Variants in RORA observed in about 807,000 individuals in gnomAD.
RORA encodes RAR related orphan receptor A.
A neutral mutation model predicts 69.5 loss-of-function variants in RORA; 7 were observed. The ratio of observed to expected loss-of-function variants is 0.10; its 90% CI spans 0.06 to 0.19. RORA has a LOEUF of 0.19. Among genes scored for constraint, RORA ranks in the 10% least tolerant of loss-of-function variants. RORA has a pLI of 1.00. For synonymous variants in RORA, 261 were observed against 240.8 expected (o/e 1.08, Z -0.78); for missense variants, 457 against 663.0 (o/e 0.69, Z 3.41).
chr15:60,932,145 T>C lies in RORA; in HGVS notation c.167-253459A>G, dbSNP rs534693685. Among the ~76,000 whole-genome samples the C allele has an allele frequency of 5.3e-5, 8 of 151,948 alleles. 1 individual carries two copies. Among genetic ancestry groups the C allele is most frequent in the Middle Eastern group, 3.4e-3 (1 of 294 alleles). On this transcript the variant is annotated intron_variant, in intron 1 of 10. Transcript: ENST00000335670. ...CACCTTGAAAACCAATCCTTTGGAG[T>C]AGAAAGAATTCATGGTATTTGAAAT...
chr15:60,929,831 G>C (rs1376241440), intron 1 of RORA, among the ~76,000 whole-genome samples: 1 of 152,166 alleles, frequency 6.6e-6, no homozygotes, highest in Non-Finnish European at 1.5e-5. Flanking sequence ...CCAGCCCCCA[G>C]AGATACGGAC....
At chr15:60,777,733 C>G (rs902211830) in intron 1 of RORA, among the ~76,000 whole-genome samples, 1 of 152,184 alleles carries the variant, frequency 6.6e-6, no homozygotes, top group African/African-American at 2.4e-5. Context: ...AGTCCAGGTG[C>G]TCACCTCTAG....
intron 1 of RORA, among the ~76,000 whole-genome samples, chr15:60,768,768 C>T (rs1429440116): frequency 1.3e-5 from 2 of 152,152 alleles, no homozygotes; most frequent in African/African-American, 2.4e-5. Context: ...TTCTAATGAA[C>T]TCATCACATG....
intron 5 of RORA, among the ~76,000 whole-genome samples, chr15:60,509,312 T>C (rs551110337): frequency 2.0e-5 from 3 of 152,336 alleles, no homozygotes; most frequent in Admixed American, 2.0e-4. Context: ...ATTCTCCTAG[T>C]GATGATCTCA....
chr15:60,513,012 A>G (rs907611703), intron 4 of RORA, among the ~76,000 whole-genome samples: 1 of 152,240 alleles, frequency 6.6e-6, no homozygotes, highest in Non-Finnish European at 1.5e-5. Context: ...CCATTTGACT[A>G]TGATCGTAGT....
chr15:60,804,859 A>T (rs891869301), intron 1 of RORA, among the ~76,000 whole-genome samples: 3 of 152,186 alleles, frequency 2.0e-5, no homozygotes, highest in Non-Finnish European at 4.4e-5. Context: ...CTTAAATTAT[A>T]ATAGGCTCTC....
chr15:61,124,090 G>A (rs2079124240), intron 1 of RORA, among the ~76,000 whole-genome samples: 1 of 152,180 alleles, frequency 6.6e-6, no homozygotes, highest in Non-Finnish European at 1.5e-5. Context: ...TGCCAGCTCT[G>A]CTGATTCCCT....
intron 1 of RORA, among the ~76,000 whole-genome samples, chr15:61,085,481 T>C (rs8026340): frequency 0.14 from 20,677 of 152,304 alleles, 1,785 homozygotes; most frequent in East Asian, 0.3. Context: ...CCGAAGACCT[T>C]GTTATAACAG....
intron 2 of RORA, chr15:60,614,885 A>ATAACGCACCTTTTCTCAATGCAATT (rs2069190122): frequency 6.2e-7 from 1 of 1,609,284 alleles, no homozygotes; most frequent in Non-Finnish European, 8.5e-7. Context: ...AAGCTCTCAA[A>ATAACGCACCTTTTCTCAATGCAATT]TAACGCACCT....
At chr15:60,729,419 G>A (rs2071402496) in intron 1 of RORA, among the ~76,000 whole-genome samples, 1 of 152,148 alleles carries the variant, frequency 6.6e-6, no homozygotes. Flanking sequence ...ACAGAGTCAG[G>A]AGTCCTGGAT....
chr15:60,719,346 G>A (rs1485513103), intron 1 of RORA, among the ~76,000 whole-genome samples: 7 of 152,140 alleles, frequency 4.6e-5, no homozygotes, highest in African/African-American at 1.7e-4. Flanking sequence ...GTGAAACAAC[G>A]ATGGTAAAAT....
At chr15:61,124,008 C>T (rs2079123477) in intron 1 of RORA, among the ~76,000 whole-genome samples, 1 of 152,210 alleles carries the variant, frequency 6.6e-6, no homozygotes, top group Non-Finnish European at 1.5e-5. Context: ...AGGCCTCAGA[C>T]TTCAAAACAT....
At chr15:60,806,194 C>T (rs768917392) in intron 1 of RORA, among the ~76,000 whole-genome samples, 4 of 151,642 alleles carry the variant, frequency 2.6e-5, no homozygotes, top group Admixed American at 6.6e-5. Context: ...GAACCCAAGG[C>T]GGGAAAAAAA....
chr15:60,633,133 C>A (rs1488187006), intron 2 of RORA, among the ~76,000 whole-genome samples: 1 of 152,190 alleles, frequency 6.6e-6, no homozygotes, highest in African/African-American at 2.4e-5. Flanking sequence ...CTGGTGCTGG[C>A]TCTGAGATCT....
At position 60,502,852 on chromosome 15, in the gene RORA, A is replaced by G; in HGVS notation, c.1091T>C (p.Val364Ala). Residue 364 changes from valine to alanine, a missense_variant, in exon 8 of 11, where the codon GTG (valine) becomes GCG (alanine). Transcript: ENST00000335670. ...AAAGGCACGGCACATTCTGATAAAC[A>G]CCACCTCTAGAGAACCTAAGCAGAG... The part of the protein sequence containing the change: ...VLLKAGSLEV[V>A]FIRMCRAFDS... The G allele has an allele frequency of 1.2e-6, 2 of 1,612,838 alleles. No individual in the cohort carries two copies. Among genetic ancestry groups the G allele is most frequent in the Non-Finnish European group, 1.7e-6 (2 of 1,178,872 alleles).
At chr15:60,635,019 C>T (rs2069810183) in intron 2 of RORA, among the ~76,000 whole-genome samples, 1 of 152,168 alleles carries the variant, frequency 6.6e-6, no homozygotes, top group Non-Finnish European at 1.5e-5. Context: ...TACCTTTTGC[C>T]TCCTACACAA....
chr15:60,498,770 G>A (rs893764428), intron 10 of RORA, among the ~76,000 whole-genome samples: 46 of 151,202 alleles, frequency 3.0e-4, no homozygotes, highest in African/African-American at 1.1e-3. Context: ...ATTCCTGCCC[G>A]TTTGCTCATT....
At chr15:61,167,412 C>G (rs1260107695) in intron 1 of RORA, among the ~76,000 whole-genome samples, 1 of 144,078 alleles carries the variant, frequency 6.9e-6, no homozygotes, top group African/African-American at 2.6e-5. Flanking sequence ...TAATAATAAA[C>G]ATTGAGATCC....
intron 1 of RORA, among the ~76,000 whole-genome samples, chr15:60,786,164 G>T (rs779469214): frequency 1.3e-5 from 2 of 152,188 alleles, no homozygotes; most frequent in African/African-American, 2.4e-5. Context: ...ACATCACTAC[G>T]GTTGAGAGTT....
Sources: allele counts gnomAD v4.1 joint callset (sites outside exome capture counted in the v4.1 genomes callset), GRCh38; gene constraint gnomAD v4.1.1; transcripts MANE v1.5; gene names NCBI Gene and HGNC (gene_info 2026-07-23, HGNC 2026-07-21).